TAF5: variants seen among roughly 807,000 people sequenced by gnomAD.
TAF5 encodes the protein TATA-box binding protein associated factor 5, also known as transcription initiation factor TFIID subunit 5.
A neutral mutation model predicts 80.9 loss-of-function variants in TAF5; 20 were observed. The ratio of observed to expected loss-of-function variants is 0.25; its 90% CI spans 0.17 to 0.36. TAF5 has a LOEUF of 0.36. Ranked by LOEUF, TAF5 falls within the 10% of genes least tolerant of loss-of-function variation. The pLI is 1.00. For synonymous variants in TAF5, 388 were observed against 406.4 expected (o/e 0.95, Z 0.55); for missense variants, 863 against 1,029.4 (o/e 0.84, Z 2.21).
At chr10:103,383,979 T>C (rs2093389542) in intron 7 of TAF5, among the ~76,000 whole-genome samples, 1 of 152,168 alleles carries the variant, frequency 6.6e-6, no homozygotes, top group South Asian at 2.1e-4. Context: ...TTATTTTTAT[T>C]TGTTACCCAA....
At chr10:103,377,131 C>T (rs1372181843) in intron 2 of TAF5, among the ~76,000 whole-genome samples, 1 of 152,150 alleles carries the variant, frequency 6.6e-6, no homozygotes. Flanking sequence ...GGCTTCAGAG[C>T]AAGAACCTGT....
At chr10:103,372,316 A>T (rs1160216615) in intron 1 of TAF5, among the ~76,000 whole-genome samples, 1 of 149,880 alleles carries the variant, frequency 6.7e-6, no homozygotes, top group Non-Finnish European at 1.5e-5. Context: ...CCATTAAAAG[A>T]TTATGGCTGG....
chr10:103,387,412 T>C (rs1415633012), intron 9 of TAF5, 60 bp downstream of exon 9: 4 of 1,554,934 alleles, frequency 2.6e-6, no homozygotes, highest in Non-Finnish European at 3.5e-6. Context: ...AAATATTTTT[T>C]AAACAAGTGA....
intron 2 of TAF5, among the ~76,000 whole-genome samples, chr10:103,376,774 G>A (rs1190551096): frequency 1.3e-5 from 2 of 152,146 alleles, no homozygotes; most frequent in Non-Finnish European, 2.9e-5. Context: ...GCCGGGCATG[G>A]TGGCTCATGC....
chr10:103,368,320 G>T lies in TAF5; in HGVS notation c.331G>T (p.Glu111Ter). ...GTTCCTACGGCAGAGCAAACTCCGC[G>T]AGGCCGAAGAGGCGCTGCGCCGTGA... ...LQFLRQSKLR[E>*]AEEALRREAG... The change falls in exon 1 of 11, where the codon GAG becomes TAG. Residue 111 changes from glutamate to a stop codon, truncating the protein, a stop_gained. Transcript: ENST00000369839. LOFTEE classifies it high-confidence loss of function. 6.3e-7 allele frequency: 1 copy of T among 1,582,524 alleles called. No homozygotes were observed. The highest frequency in any genetic ancestry group is 2.3e-5 in the East Asian group (1 of 43,952).
Position 103,381,749 on chromosome 10 carries a change from A to G in TAF5, c.1442A>G (p.Asp481Gly), listed in dbSNP as rs2093383419. Residue 481 changes from aspartate (D) to glycine (G), a missense_variant, in exon 6 of 11, where the codon GAT becomes GGT. Asp to Gly is a moderately conservative substitution (Grantham distance 94). Around this residue, in one of 3 missense-constraint regions of TAF5, gnomAD observed 368 missense variants for 461.7 expected, o/e 0.80. Transcript: ENST00000369839. ...QGLTAVDVTD[D>G]SSLIAGGFAD... Reference sequence around the variant, plus strand: ...CTCACTGCAGTGGATGTCACTGATGATTCTAGTCTGATTGCTGGAGGTTTT... The same window carrying G: ...CTCACTGCAGTGGATGTCACTGATGGTTCTAGTCTGATTGCTGGAGGTTTT... The G allele has an allele frequency of 6.2e-7, 1 of 1,614,142 alleles. No individual in the cohort carries two copies. Among genetic ancestry groups the G allele is most frequent in the Non-Finnish European group, 8.5e-7 (1 of 1,180,018 alleles).
intron 2 of TAF5, among the ~76,000 whole-genome samples, chr10:103,375,750 G>A (rs997707452): frequency 2.6e-5 from 4 of 152,002 alleles, no homozygotes; most frequent in African/African-American, 9.7e-5. Flanking sequence ...AGAAGCCAAG[G>A]GAAAGGAGTA....
At chr10:103,375,236 T>C (rs1172880152) in intron 2 of TAF5, among the ~76,000 whole-genome samples, 2 of 152,096 alleles carry the variant, frequency 1.3e-5, no homozygotes, top group Non-Finnish European at 2.9e-5. Context: ...AGTCCCACTT[T>C]ACAAAGAATT....
In TAF5 at chr10:103,368,539, C is replaced by T. The variant is rs374495196; in HGVS notation, c.550C>T (p.Pro184Ser). The T allele has an allele frequency of 3.8e-4, 582 of 1,530,120 alleles. No individual in the cohort carries two copies. The highest frequency in any genetic ancestry group is 5.0e-4 in the Non-Finnish European group (570 of 1,148,002). The allele number at this position is 1,530,120 out of a possible 1,614,324, so 94.8% of individuals were successfully genotyped here. The change falls in exon 1 of 11, where the codon CCG (proline) becomes TCG (serine). Residue 184 changes from proline to serine, a missense_variant. Coordinates refer to ENST00000369839, the MANE Select transcript of TAF5 (RefSeq NM_006951.5). ...VSGSASGPAA[P>S]GKVGSVAVED... is the part of the protein sequence containing the mutation. ...AGGTTCAGCCTCAGGTCCTGCGGCT[C>T]CGGGTAAAGGTGAGCCGTGGGGTCC... is the stretch of plus-strand genomic sequence containing the variant.
At chr10:103,369,361 CTT>C (rs1031952882) in intron 1 of TAF5, among the ~76,000 whole-genome samples, 67 of 145,890 alleles carry the variant, frequency 4.6e-4, no homozygotes, top group Non-Finnish European at 6.0e-4. Context: ...TTTTCTTTTT[CTT>C]TTTTTCTTTT....
chr10:103,368,318 G>A lies in TAF5; in HGVS notation c.329G>A (p.Arg110His), dbSNP rs769799689. The change falls in exon 1 of 11, where the codon CGC (arginine) becomes CAC (histidine). Residue 110 changes from arginine to histidine, a missense_variant. Around this residue, in one of 3 missense-constraint regions of TAF5, gnomAD observed 367 missense variants for 335.5 expected, o/e 1.09. Transcript: ENST00000369839. ...VLQFLRQSKL[R>H]EAEEALRREA... ...CAGTTCCTACGGCAGAGCAAACTCC[G>A]CGAGGCCGAAGAGGCGCTGCGCCGT... is the stretch of plus-strand genomic sequence containing the variant. 1.3e-6 allele frequency: 2 copies of A among 1,584,054 alleles called. No homozygotes were observed. The highest frequency in any genetic ancestry group is 2.7e-5 in the African/African-American group (2 of 74,276).
chr10:103,384,205 C>T (rs760212023), intron 7 of TAF5, among the ~76,000 whole-genome samples: 26 of 152,098 alleles, frequency 1.7e-4, no homozygotes, highest in Non-Finnish European at 3.5e-4. Context: ...GGTTTGCTTC[C>T]CTTTAGGTGT....
chr10:103,368,246 C>T lies in TAF5; in HGVS notation c.257C>T (p.Pro86Leu), dbSNP rs369610870. The T allele has an allele frequency of 3.0e-5, 45 of 1,499,960 alleles. No individual in the cohort carries two copies. The highest frequency in any genetic ancestry group is 1.9e-4 in the Middle Eastern group (1 of 5,404). 92.9% of individuals were successfully genotyped at this position (1,499,960 alleles called of 1,614,324 possible). A position where few individuals can be genotyped will look rare whatever the true frequency, so the allele number is the denominator to read the frequency against. The change falls in exon 1 of 11, where the codon CCG becomes CTG. Residue 86 changes from proline (P) to leucine (L), a missense_variant. Coordinates refer to ENST00000369839, the MANE Select transcript of TAF5 (RefSeq NM_006951.5). ...GCGGCCCCGGTGCCCGCCGCTGCTC[C>T]GGACGCCGGCGCTCCGCATGACCGA... is the stretch of plus-strand genomic sequence containing the variant. Reference protein sequence around the residue: ...AGAAPVPAAAPDAGAPHDRQT... With the variant: ...AGAAPVPAAALDAGAPHDRQT...
Position 103,385,332 on chromosome 10 carries a change from T to C in TAF5, c.1671T>C (p.Tyr557=), listed in dbSNP as rs2093393368. The stretch of plus-strand genomic sequence containing the variant: ...TCACCTTCTCTTCTCTCAGGAACTA[T>C]CTGCTTTCCTCTTCAGAGGACGGAA... ...YGASFSPDRN[Y]LLSSSEDGTV... is the part of the protein sequence containing the mutation. The change falls in exon 8 of 11, where the codon TAT becomes TAC. Residue 557 remains tyrosine, a synonymous_variant. Transcript: ENST00000369839. 1.9e-6 allele frequency: 3 copies of C among 1,607,310 alleles called. No individual in the cohort carries two copies. The highest frequency in any genetic ancestry group is 1.3e-5 in the African/African-American group (1 of 74,848).
At chr10:103,387,767 C>A in intron 10 of TAF5, 69 bp downstream of exon 10, 1 of 1,459,294 alleles carries the variant, frequency 6.9e-7, no homozygotes, top group Non-Finnish European at 9.3e-7. Flanking sequence ...GACTGCAATA[C>A]TAAGTCCTTA....
chr10:103,368,169 T>C lies in TAF5; in HGVS notation c.180T>C (p.Asp60=). 1.4e-6 allele frequency: 2 copies of C among 1,392,932 alleles called. No homozygotes were observed. The highest frequency in any genetic ancestry group is 1.9e-6 in the Non-Finnish European group (2 of 1,075,302). 86.3% of individuals were successfully genotyped at this position (1,392,932 alleles called of 1,614,324 possible). Residue 60 remains aspartate (D), a synonymous_variant, in exon 1 of 11, where the codon GAT becomes GAC. Transcript: ENST00000369839. ...CGGCGTCGTCGTCCACTGGCGGGGATGGCGGGACCCCCAAGCCCACGGTGG... is the reference window on the plus strand; with the variant it reads ...CGGCGTCGTCGTCCACTGGCGGGGACGGCGGGACCCCCAAGCCCACGGTGG... ...NVAASSSTGG[D]GGTPKPTVAV...
intron 1 of TAF5, among the ~76,000 whole-genome samples, chr10:103,372,224 C>A (rs1209115833): frequency 6.6e-6 from 1 of 151,600 alleles, no homozygotes; most frequent in Non-Finnish European, 1.5e-5. Flanking sequence ...TGTGAGCCAC[C>A]GTGTTGGCCT....
chr10:103,373,551 A>G lies in TAF5; in HGVS notation c.753A>G (p.Leu251=). Residue 251 remains leucine (L), a synonymous_variant, in exon 2 of 11, where the codon CTA becomes CTG. Coordinates refer to ENST00000369839, the MANE Select transcript of TAF5 (RefSeq NM_006951.5). ...TGTTTGTGCACATGTACTTGGAGCT[A>G]GTCTACAATCAACATGAGAATGAAG... The part of the protein sequence containing the change: ...YPLFVHMYLE[L]VYNQHENEAK... The G allele has an allele frequency of 6.2e-7, 1 of 1,614,178 alleles. No homozygotes were observed. The highest frequency in any genetic ancestry group is 8.5e-7 in the Non-Finnish European group (1 of 1,180,038).
In TAF5 at chr10:103,388,053, G is replaced by C; in HGVS notation, c.2233G>C (p.Glu745Gln). 1 of 1,614,068 alleles carries C rather than the reference G, an allele frequency of 6.2e-7. No individual in the cohort carries two copies. Among genetic ancestry groups the C allele is most frequent in the Non-Finnish European group, 8.5e-7 (1 of 1,179,962 alleles). The change falls in exon 11 of 11, where the codon GAA (glutamate) becomes CAA (glutamine). Residue 745 changes from glutamate to glutamine, a missense_variant. Glu to Gln is a conservative substitution (Grantham distance 29). This residue lies in a region of TAF5 where 368 missense variants were observed against 461.7 expected (regional missense o/e 0.80). Transcript: ENST00000369839. ...ATTATGGGATGCTATCAAAGCCTTTGAAGATTTAGAGACCGATGACTTTAC... is the reference window on the plus strand; with the variant it reads ...ATTATGGGATGCTATCAAAGCCTTTCAAGATTTAGAGACCGATGACTTTAC... ...VRLWDAIKAF[E>Q]DLETDDFTTA... is the part of the protein sequence containing the mutation.
Sources: allele counts gnomAD v4.1 joint callset (sites outside exome capture counted in the v4.1 genomes callset), GRCh38; gene constraint gnomAD v4.1.1; regional missense constraint gnomAD v4.1.1; transcripts MANE v1.5; gene names NCBI Gene and HGNC (gene_info 2026-07-23, HGNC 2026-07-21).